RPTOR: variants seen among roughly 807,000 people sequenced by gnomAD.
The protein encoded by RPTOR is regulatory associated protein of MTOR complex 1.
In RPTOR, 21 loss-of-function variants were observed where a neutral mutation model predicts 169.9. The observed-to-expected ratio is 0.12, with a 90% CI of 0.09 to 0.18. RPTOR has a LOEUF of 0.18. Among genes scored for constraint, RPTOR ranks in the 10% least tolerant of loss-of-function variants. The pLI is 1.00. For synonymous variants in RPTOR, 732 were observed against 753.2 expected, an observed-to-expected ratio of 0.97 and a Z score of 0.46; for missense variants, 1,133 against 1,855.9, an observed-to-expected ratio of 0.61 and a Z score of 7.16.
In RPTOR at chr17:80,908,866, T is replaced by C. The variant is rs369947388; in HGVS notation, c.2457T>C (p.Ala819=). The change falls in exon 21 of 34, where the codon GCT becomes GCC. Residue 819 remains alanine, a synonymous_variant. Transcript: ENST00000306801. ...TTTGGAGAGTCCTGCTGCACCTGGC[T>C]GCTGACCCCTATCCAGAGGTCTCGG... ...TQIWRVLLHL[A]ADPYPEVSDV... The C allele has an allele frequency of 1.2e-6, 2 of 1,614,102 alleles. No homozygotes were observed. Among genetic ancestry groups the C allele is most frequent in the African/African-American group, 2.7e-5 (2 of 74,936 alleles).
At chr17:80,939,874 G>A (rs1455470015) in intron 24 of RPTOR, among the ~76,000 whole-genome samples, 6 of 152,214 alleles carry the variant, frequency 3.9e-5, no homozygotes, top group East Asian at 1.9e-4. Context: ...CTGGGGAGGC[G>A]TTTCCCAAGG....
At position 80,704,546 on chromosome 17, in the gene RPTOR, T is replaced by G. The variant is rs139091347; in HGVS notation, c.349-3295T>G. On this transcript the variant is annotated intron_variant, in intron 3 of 33. Transcript: ENST00000306801. The stretch of plus-strand genomic sequence containing the variant: ...GGTACCCAGCACCTGGATGCAGCTG[T>G]TTGTACACACATACTTTCTGATATT... 2.6e-3 allele frequency among the ~76,000 whole-genome samples: 391 copies of G among 152,322 alleles called. 2 individuals are homozygous for G. The highest frequency in any genetic ancestry group is 8.8e-3 in the African/African-American group (366 of 41,572).
chr17:80,587,267 G>C (rs911813134), intron 1 of RPTOR, among the ~76,000 whole-genome samples: 1 of 152,210 alleles, frequency 6.6e-6, no homozygotes, highest in Non-Finnish European at 1.5e-5. Flanking sequence ...AGCTTTGCCT[G>C]GTGTGGAAAC....
chr17:80,852,259 T>C (rs1433374582), intron 11 of RPTOR, among the ~76,000 whole-genome samples: 1 of 152,200 alleles, frequency 6.6e-6, no homozygotes, highest in Non-Finnish European at 1.5e-5. Flanking sequence ...GATAATGATA[T>C]TGAAGTTTCC....
chr17:80,546,647 T>C (rs1473129372), intron 1 of RPTOR, among the ~76,000 whole-genome samples: 3 of 152,224 alleles, frequency 2.0e-5, no homozygotes, highest in African/African-American at 7.2e-5. Flanking sequence ...ATTTGCACAT[T>C]TCAGTGGTAT....
intron 3 of RPTOR, among the ~76,000 whole-genome samples, chr17:80,683,608 TC>T: frequency 6.6e-6 from 1 of 152,318 alleles, no homozygotes; most frequent in South Asian, 2.1e-4. Context: ...TGTATGTTTT[TC>T]TTCCCTTCGC....
intron 5 of RPTOR, among the ~76,000 whole-genome samples, chr17:80,743,827 C>CTACTAGCACTATCCTGGT (rs2066518093): frequency 6.5e-5 from 2 of 30,588 alleles, no homozygotes; most frequent in Admixed American, 3.7e-4. Flanking sequence ...AGAGCCCTGG[C>CTACTAGCACTATCCTGGT]TACTAGCACA....
intron 1 of RPTOR, among the ~76,000 whole-genome samples, chr17:80,565,452 G>A (rs1223444513): frequency 6.6e-6 from 1 of 152,218 alleles, no homozygotes; most frequent in Admixed American, 6.5e-5. Context: ...ACTGAAGGAG[G>A]CCACAGTAAA....
At chr17:80,672,107 T>C (rs937442915) in intron 3 of RPTOR, among the ~76,000 whole-genome samples, 8 of 152,234 alleles carry the variant, frequency 5.3e-5, no homozygotes, top group Admixed American at 2.6e-4. Context: ...CGAAGTGTTC[T>C]GACTCGGATA....
intron 3 of RPTOR, among the ~76,000 whole-genome samples, chr17:80,655,127 C>T (rs1365163139): frequency 6.6e-6 from 1 of 152,222 alleles, no homozygotes; most frequent in African/African-American, 2.4e-5. Flanking sequence ...GCTCTGCCAT[C>T]CAGGCTGGAG....
rs534732174 is a variant in RPTOR at position 80,556,733 on chromosome 17, G to A, written c.162+10942G>A. Among the ~76,000 whole-genome samples the A allele has an allele frequency of 7.9e-5, 12 of 151,476 alleles. No homozygotes were observed. In the South Asian group the frequency reaches 1.7e-3, roughly 21 times the overall value. ...CTTGAAATGGATATACTTTTCATTA[G>A]TGAGTCTCATGTGAGTTTCAGGAGT... On this transcript the variant is annotated intron_variant, in intron 1 of 33. Transcript: ENST00000306801.
intron 26 of RPTOR, among the ~76,000 whole-genome samples, chr17:80,946,977 A>T (rs184668541): frequency 6.6e-6 from 1 of 152,014 alleles, no homozygotes; most frequent in Admixed American, 6.5e-5. Context: ...CAGCACTATT[A>T]TTCTCTCTTT....
intron 17 of RPTOR, among the ~76,000 whole-genome samples, chr17:80,891,384 AGGCTGTGAGG>A (rs2068321400): frequency 6.6e-6 from 1 of 152,184 alleles, no homozygotes; most frequent in South Asian, 2.1e-4. Flanking sequence ...CGTAAGCGAG[AGGCTGTGAGG>A]CCTCCTACCT....
chr17:80,584,212 C>T (rs972445803), intron 1 of RPTOR, among the ~76,000 whole-genome samples: 1 of 152,064 alleles, frequency 6.6e-6, no homozygotes, highest in Non-Finnish European at 1.5e-5. Flanking sequence ...TTGAATTGCA[C>T]TTTGATGGGG....
intron 21 of RPTOR, among the ~76,000 whole-genome samples, chr17:80,918,762 G>A (rs2068710115): frequency 6.6e-6 from 1 of 152,224 alleles, no homozygotes; most frequent in Non-Finnish European, 1.5e-5. Flanking sequence ...AAGAAAGGCA[G>A]AGCCCCGTCC....
chr17:80,627,672 C>A (rs1332392382), intron 2 of RPTOR, among the ~76,000 whole-genome samples: 1 of 152,140 alleles, frequency 6.6e-6, no homozygotes, highest in Non-Finnish European at 1.5e-5. Flanking sequence ...GGCTCCCTCA[C>A]AATTTGTTTA....
intron 29 of RPTOR, among the ~76,000 whole-genome samples, chr17:80,958,179 A>C (rs1275017057): frequency 4.0e-5 from 5 of 124,706 alleles, no homozygotes; most frequent in Admixed American, 8.7e-5. Context: ...CTCCTGGTCC[A>C]AGTGATCCTC....
At chr17:80,850,634 G>C (rs191585794) in intron 11 of RPTOR, among the ~76,000 whole-genome samples, 1 of 152,236 alleles carries the variant, frequency 6.6e-6, no homozygotes, top group Admixed American at 6.5e-5. Flanking sequence ...AGATCAGTGT[G>C]AGCATTTCAT....
chr17:80,619,945 G>T (rs565629275), intron 1 of RPTOR, among the ~76,000 whole-genome samples: 1 of 152,268 alleles, frequency 6.6e-6, no homozygotes, highest in African/African-American at 2.4e-5. Context: ...CCAAAGTGCC[G>T]TGGAGATCTT....
Sources: allele counts gnomAD v4.1 joint callset (sites outside exome capture counted in the v4.1 genomes callset), GRCh38; gene constraint gnomAD v4.1.1; transcripts MANE v1.5; gene names NCBI Gene and HGNC (gene_info 2026-07-23, HGNC 2026-07-21).